Variants in DLG2 observed in about 807,000 individuals in gnomAD.
DLG2 encodes disks large homolog 2.
Under a neutral mutation model 132.5 loss-of-function variants are expected in DLG2, and 45 were observed. That is an observed-to-expected ratio of 0.34 (90% CI 0.27 to 0.44). The LOEUF is 0.44. DLG2 is among the 20% of genes least tolerant of loss of function. The probability of loss-of-function intolerance (pLI) is 1.00; values close to 1 mark genes in which losing one functional copy is unlikely to be tolerated. For synonymous variants in DLG2, 424 were observed against 419.6 expected, an observed-to-expected ratio of 1.01 and a Z score of -0.13; for missense variants, 1,045 against 1,196.9, an observed-to-expected ratio of 0.87 and a Z score of 1.87.
intron 21 of DLG2, among the ~76,000 whole-genome samples, chr11:83,517,930 T>C (rs2095351318): frequency 1.3e-5 from 2 of 152,192 alleles, no homozygotes; most frequent in South Asian, 4.1e-4. Context: ...AGTCTGCCCT[T>C]ACTGGGGGGT....
At position 84,979,659 on chromosome 11, in the gene DLG2, G is replaced by A. The variant is rs534509301; in HGVS notation, c.357+132002C>T. ...CGTCACACACCAGGGCCTGTTGTGG[G>A]GTGGGGGAGGGCGGAGGGATAGCAT... On this transcript the variant is annotated intron_variant, in intron 6 of 27. Transcript: ENST00000376104. Among the ~76,000 whole-genome samples the A allele has an allele frequency of 2.6e-4, 39 of 152,122 alleles. No homozygotes were observed. The East Asian group carries it at 6.6e-3, about 26-fold the overall frequency.
chr11:83,898,634 T>C lies in DLG2; in HGVS notation c.1497-24146A>G, dbSNP rs1187084649. Among the ~76,000 whole-genome samples the C allele has an allele frequency of 3.3e-5, 5 of 152,100 alleles. No homozygotes were observed. In the East Asian group the frequency reaches 9.6e-4, roughly 29 times the overall value. On this transcript the variant is annotated intron_variant, in intron 15 of 27. Transcript: ENST00000376104. The stretch of plus-strand genomic sequence containing the variant: ...AAAAAATAAATCTCATTGGCAAGAG[T>C]ATTTTTTCCAATAATCAACTTAACA...
intron 6 of DLG2, among the ~76,000 whole-genome samples, chr11:84,597,065 A>G (rs1378148267): frequency 2.0e-5 from 3 of 152,088 alleles, no homozygotes; most frequent in African/African-American, 7.2e-5. Context: ...TACTAAAAAT[A>G]CAAAATTAGT....
chr11:84,314,026 G>A (rs1370852594), intron 7 of DLG2, among the ~76,000 whole-genome samples: 3 of 152,302 alleles, frequency 2.0e-5, no homozygotes, highest in African/African-American at 7.2e-5. Flanking sequence ...AGTCCTGTTA[G>A]TACACAGTAC....
intron 6 of DLG2, among the ~76,000 whole-genome samples, chr11:84,709,514 T>A (rs2060134470): frequency 6.6e-6 from 1 of 151,962 alleles, no homozygotes; most frequent in African/African-American, 2.4e-5. Context: ...ATCTATGTCA[T>A]ATAGATGAAG....
At chr11:84,547,167 G>C (rs1182715435) in intron 6 of DLG2, among the ~76,000 whole-genome samples, 2 of 152,130 alleles carry the variant, frequency 1.3e-5, no homozygotes, top group African/African-American at 4.8e-5. Flanking sequence ...CTGTGATCTA[G>C]TAAGTAGTCA....
intron 9 of DLG2, among the ~76,000 whole-genome samples, chr11:84,162,894 T>C (rs1470935955): frequency 6.6e-6 from 1 of 152,154 alleles, no homozygotes; most frequent in East Asian, 1.9e-4. Context: ...CTTTGGCCTT[T>C]CTCTTATTGT....
At chr11:85,359,241 G>A (rs2083963848) in intron 3 of DLG2, among the ~76,000 whole-genome samples, 2 of 152,136 alleles carry the variant, frequency 1.3e-5, no homozygotes, top group South Asian at 2.1e-4. Flanking sequence ...TGGTAATTAG[G>A]ATTAGATGAA....
At chr11:85,420,797 G>A (rs11234341) in intron 3 of DLG2, among the ~76,000 whole-genome samples, 9 of 152,054 alleles carry the variant, frequency 5.9e-5, no homozygotes, top group East Asian at 1.9e-4. Flanking sequence ...CACCAAGCTC[G>A]AGCATCCCAG....
intron 6 of DLG2, among the ~76,000 whole-genome samples, chr11:85,038,680 G>A (rs935193880): frequency 6.6e-6 from 1 of 151,990 alleles, no homozygotes; most frequent in African/African-American, 2.4e-5. Flanking sequence ...TACATCAAGA[G>A]GGATGTCTTC....
intron 7 of DLG2, among the ~76,000 whole-genome samples, chr11:84,455,695 T>C (rs917398608): frequency 4.0e-5 from 6 of 151,426 alleles, no homozygotes; most frequent in Non-Finnish European, 8.9e-5. Flanking sequence ...AGACTTTTAT[T>C]CTACTTTTCA....
In DLG2 at chr11:83,499,850, GAGATATATATATATATAT is replaced by G. The variant is rs1318088515; in HGVS notation, c.2194-15640_2194-15623del. ...ATATATATATTTCCTCCACTAATAGGAGATATATATATATATATATATATATATATATATATATATATA... is the reference window on the plus strand; with the variant it reads ...ATATATATATTTCCTCCACTAATAGGATATATATATATATATATATATATA... On this transcript the variant is annotated intron_variant, in intron 21 of 27. Coordinates refer to ENST00000376104, the MANE Select transcript of DLG2 (RefSeq NM_001142699.3). Among the ~76,000 whole-genome samples, 143 of 58,770 alleles carry G rather than the reference GAGATATATATATATATAT, an allele frequency of 2.4e-3. 2 individuals carry two copies. The highest frequency in any genetic ancestry group is 6.3e-3 in the African/African-American group (101 of 16,068). 38.6% of individuals were successfully genotyped at this position (58,770 alleles called of 152,430 possible).
intron 11 of DLG2, among the ~76,000 whole-genome samples, chr11:84,024,161 A>C (rs2154080705): frequency 6.6e-6 from 1 of 152,248 alleles, no homozygotes; most frequent in African/African-American, 2.4e-5. Flanking sequence ...TTTCCTGCAA[A>C]GAGAAGTCTA....
At chr11:84,859,381 TATGC>T (rs1351304611) in intron 6 of DLG2, among the ~76,000 whole-genome samples, 7 of 145,960 alleles carry the variant, frequency 4.8e-5, no homozygotes, top group African/African-American at 1.8e-4. Context: ...TACACATATA[TATGC>T]ATACATATAT....
In DLG2 at chr11:83,460,999, G is replaced by GTT. The variant is rs10591072; in HGVS notation, c.2821+1001_2821+1002dup. Among the ~76,000 whole-genome samples the GTT allele has an allele frequency of 1.2e-3, 131 of 107,060 alleles. 6 individuals carry two copies. The highest frequency in any genetic ancestry group is 3.3e-3 in the African/African-American group (91 of 27,922). The allele number at this position is 107,060 out of a possible 152,430, so 70.2% of individuals were successfully genotyped here. On this transcript the variant is annotated intron_variant, in intron 27 of 27. Coordinates refer to ENST00000376104, the MANE Select transcript of DLG2 (RefSeq NM_001142699.3). ...GGTAATCCAGGAAGAAAGTTCTTGG[G>GTT]TTTTTTTTTTTTTTTTTTTTTTTTT...
intron 3 of DLG2, among the ~76,000 whole-genome samples, chr11:85,396,894 C>A (rs995308173): frequency 4.6e-5 from 7 of 152,162 alleles, no homozygotes; most frequent in Non-Finnish European, 1.0e-4. Flanking sequence ...CCTAGCAAGG[C>A]AGGCCAACAT....
At chr11:83,942,715 A>AT (rs997502932) in intron 14 of DLG2, among the ~76,000 whole-genome samples, 4 of 151,696 alleles carry the variant, frequency 2.6e-5, no homozygotes, top group South Asian at 4.2e-4. Flanking sequence ...ATTTCCTTAA[A>AT]TTTTTTTTTG....
chr11:83,492,563 C>T (rs1021477772), intron 21 of DLG2, among the ~76,000 whole-genome samples: 1 of 151,808 alleles, frequency 6.6e-6, no homozygotes, highest in Non-Finnish European at 1.5e-5. Context: ...AACACGTGGT[C>T]TTCTCCACAA....
chr11:84,944,473 GCTCA>G (rs2049923860), intron 6 of DLG2, among the ~76,000 whole-genome samples: 2 of 151,748 alleles, frequency 1.3e-5, no homozygotes, highest in South Asian at 4.2e-4. Context: ...CTGTCTTCAA[GCTCA>G]CTAATTTTTT....
Sources: gnomAD v4.1 joint callset for allele counts (sites outside exome capture counted in the v4.1 genomes callset) on GRCh38, gnomAD v4.1.1 for gene constraint, MANE v1.5 for transcripts, NCBI Gene and HGNC (gene_info 2026-07-23, HGNC 2026-07-21) for gene names.